The following DNAJC18 variants were observed in gnomAD, a reference collection of about 807,000 sequenced individuals.
DNAJC18 encodes the protein dnaJ homolog subfamily C member 18.
A neutral mutation model predicts 48.6 loss-of-function variants in DNAJC18; 40 were observed. That is an observed-to-expected ratio of 0.82 (90% CI 0.64 to 1.07). The LOEUF is 1.07. DNAJC18 is among the 50% of genes least tolerant of loss of function. The pLI is 0.00. For synonymous variants in DNAJC18, 135 were observed against 152.2 expected, an observed-to-expected ratio of 0.89 and a Z score of 0.83; for missense variants, 340 against 427.7, an observed-to-expected ratio of 0.79 and a Z score of 1.81.
chr5:139,434,006 C>T (rs1581422748), intron 2 of DNAJC18, among the ~76,000 whole-genome samples: 3 of 152,096 alleles, frequency 2.0e-5, no homozygotes, highest in African/African-American at 7.2e-5. Flanking sequence ...ATTCTCCCGC[C>T]TCAGCCTCCC....
At chr5:139,431,350 T>A (rs1256728987) in intron 2 of DNAJC18, among the ~76,000 whole-genome samples, 1 of 152,172 alleles carries the variant, frequency 6.6e-6, no homozygotes, top group African/African-American at 2.4e-5. Flanking sequence ...TCTATACTCC[T>A]TAGTAGTCAC....
At chr5:139,420,692 G>A (rs921618872) in intron 6 of DNAJC18, among the ~76,000 whole-genome samples, 3 of 151,288 alleles carry the variant, frequency 2.0e-5, no homozygotes, top group African/African-American at 4.9e-5. Context: ...AAAGTACTTC[G>A]CACATAGCTG....
intron 1 of DNAJC18, among the ~76,000 whole-genome samples, chr5:139,438,570 C>T (rs539210045): frequency 1.3e-5 from 2 of 152,304 alleles, no homozygotes; most frequent in African/African-American, 2.4e-5. Flanking sequence ...GCACTCATGT[C>T]TTCTCTGGAG....
intron 7 of DNAJC18, among the ~76,000 whole-genome samples, chr5:139,419,712 G>T (rs1481147642): frequency 6.6e-6 from 1 of 152,152 alleles, no homozygotes; most frequent in African/African-American, 2.4e-5. Context: ...GGCAAACAAG[G>T]TTATGCAAAA....
chr5:139,420,324 G>A lies in DNAJC18; in HGVS notation c.780-99C>T. On this transcript the variant is annotated intron_variant, in intron 6 of 7. Transcript: ENST00000302060. The stretch of plus-strand genomic sequence containing the variant: ...ATATCATCATCATCATCTGCTCATA[G>A]AGCAGAGGCAGATATCATTTTCTAA... 6.5e-6 allele frequency: 8 copies of A among 1,223,944 alleles called. No homozygotes were observed. In the South Asian group the frequency reaches 1.2e-4, roughly 19 times the overall value. The allele number at this position is 1,223,944 out of a possible 1,614,324, so 75.8% of individuals were successfully genotyped here. A position where few individuals can be genotyped will look rare whatever the true frequency, so the allele number is the denominator to read the frequency against.
At chr5:139,436,526 T>C (rs866062941) in intron 2 of DNAJC18, among the ~76,000 whole-genome samples, 39 of 143,532 alleles carry the variant, frequency 2.7e-4, no homozygotes, top group African/African-American at 1.0e-3. Flanking sequence ...TTTTTTTTTT[T>C]TTTTTTTTTT....
At chr5:139,415,364 G>A (rs1033880959) in intron 7 of DNAJC18, among the ~76,000 whole-genome samples, 2 of 152,308 alleles carry the variant, frequency 1.3e-5, no homozygotes, top group African/African-American at 4.8e-5. Flanking sequence ...TGGCATTTCT[G>A]TGCACAATGA....
intron 2 of DNAJC18, among the ~76,000 whole-genome samples, chr5:139,433,770 T>C (rs1393012577): frequency 3.9e-5 from 6 of 152,188 alleles, no homozygotes; most frequent in Non-Finnish European, 8.8e-5. Flanking sequence ...TTATAATAGA[T>C]TTGTGTATAT....
chr5:139,421,754 G>A (rs1000932902), intron 6 of DNAJC18, among the ~76,000 whole-genome samples: 2 of 152,072 alleles, frequency 1.3e-5, no homozygotes, highest in African/African-American at 4.8e-5. Flanking sequence ...GTTGAAGTGA[G>A]CCCAGATTGC....
In DNAJC18 at chr5:139,439,292, G is replaced by A; in HGVS notation, c.40+114C>T. The A allele has an allele frequency of 1.3e-6, 2 of 1,517,818 alleles. No individual in the cohort carries two copies. The highest frequency in any genetic ancestry group is 1.8e-6 in the Non-Finnish European group (2 of 1,103,522). 94.0% of individuals were successfully genotyped at this position (1,517,818 alleles called of 1,614,324 possible). A position where few individuals can be genotyped will look rare whatever the true frequency, so the allele number is the denominator to read the frequency against. On this transcript the variant is annotated intron_variant, in intron 1 of 7. Coordinates refer to ENST00000302060, the MANE Select transcript of DNAJC18 (RefSeq NM_152686.4). This position sits in a 1 kb window ranked among gnomAD's most constrained non-coding sequence, Gnocchi z 4.1. ...ACTCAGGCTCAGCATCTTTTCACAG[G>A]CCTCTATCCATCACCTCAGACCCAG...
At chr5:139,416,167 G>C (rs1007601766) in intron 7 of DNAJC18, among the ~76,000 whole-genome samples, 2 of 151,990 alleles carry the variant, frequency 1.3e-5, no homozygotes, top group Non-Finnish European at 2.9e-5. Context: ...ATGAACAAAG[G>C]GTCAACTTGA....
At chr5:139,427,005 C>T (rs1759255641) in intron 3 of DNAJC18, among the ~76,000 whole-genome samples, 1 of 152,052 alleles carries the variant, frequency 6.6e-6, no homozygotes, top group Admixed American at 6.6e-5. Context: ...AGGTGTGAGC[C>T]CTGCATCTGG....
At chr5:139,419,225 C>G (rs1759113050) in intron 7 of DNAJC18, 1 of 435,922 alleles carries the variant, frequency 2.3e-6, no homozygotes, top group Non-Finnish European at 4.5e-6. Context: ...TTAGAAGACA[C>G]AGTCACTAAC....
At chr5:139,438,798 T>C (rs1276430239) in intron 1 of DNAJC18, among the ~76,000 whole-genome samples, 4 of 152,186 alleles carry the variant, frequency 2.6e-5, no homozygotes, top group African/African-American at 9.7e-5. Context: ...GACCTTGCTG[T>C]GTAGCCCAGG....
chr5:139,437,217 C>T (rs1363646786), intron 2 of DNAJC18, among the ~76,000 whole-genome samples, 155 bp downstream of exon 2: 1 of 152,168 alleles, frequency 6.6e-6, no homozygotes, highest in Non-Finnish European at 1.5e-5. Flanking sequence ...TAATATTCCA[C>T]TTCTATTCAG....
intron 2 of DNAJC18, among the ~76,000 whole-genome samples, chr5:139,434,409 G>A (rs1205761444): frequency 2.6e-5 from 4 of 151,932 alleles, no homozygotes; most frequent in African/African-American, 7.3e-5. Context: ...CCTCAGCCTC[G>A]AACTCCTGGG....
chr5:139,435,705 GTT>G (rs377125785), intron 2 of DNAJC18, among the ~76,000 whole-genome samples: 3,109 of 40,978 alleles, frequency 0.076, 108 homozygotes, highest in Non-Finnish European at 0.092. Context: ...TTCATTGGAA[GTT>G]TTTTTTTTTT....
At chr5:139,419,992 T>TG (rs1759126109) in intron 7 of DNAJC18, 61 bp downstream of exon 7, 2 of 1,450,434 alleles carry the variant, frequency 1.4e-6, no homozygotes, top group East Asian at 2.5e-5. Context: ...ATCAGGAGGC[T>TG]GGGGGTGCCT....
At chr5:139,415,296 C>T (rs769259750) in intron 7 of DNAJC18, among the ~76,000 whole-genome samples, 1 of 152,150 alleles carries the variant, frequency 6.6e-6, no homozygotes, top group Non-Finnish European at 1.5e-5. Context: ...ATTATTTAGC[C>T]AGGGGGAACA....
Sources: gnomAD v4.1 joint callset for allele counts (sites outside exome capture counted in the v4.1 genomes callset) on GRCh38, gnomAD v4.1.1 for gene constraint, Gnocchi (gnomAD v3.1) non-coding constraint, MANE v1.5 for transcripts, NCBI Gene and HGNC (gene_info 2026-07-23, HGNC 2026-07-21) for gene names.